LCE5A: variants seen among roughly 807,000 people sequenced by gnomAD.
The protein encoded by LCE5A is late cornified envelope protein 5A.
For synonymous variants in LCE5A, 51 were observed against 54.2 expected, an observed-to-expected ratio of 0.94 and a Z score of 0.26; for missense variants, 139 against 147.2, an observed-to-expected ratio of 0.94 and a Z score of 0.29.
intron 1 of LCE5A, 72 bp from the exon 2 acceptor site, chr1:152,511,442 G>A (rs922050948): frequency 2.2e-5 from 21 of 965,300 alleles, no homozygotes; most frequent in Admixed American, 2.0e-4. Flanking sequence ...TCATCTTAGA[G>A]ATAAAATCTT....
intron 1 of LCE5A, among the ~76,000 whole-genome samples, chr1:152,511,217 G>T (rs1237974263): frequency 2.0e-5 from 3 of 152,044 alleles, no homozygotes; most frequent in African/African-American, 7.2e-5. Context: ...GAGGTCAGGA[G>T]TTCGAGACTG....
intron 1 of LCE5A, among the ~76,000 whole-genome samples, chr1:152,511,237 C>T (rs1341790700): frequency 6.6e-6 from 1 of 151,854 alleles, no homozygotes; most frequent in Non-Finnish European, 1.5e-5. Context: ...GACCAACATG[C>T]TGAAATCCCG....
Position 152,511,496 on chromosome 1 carries a change from G to C in LCE5A, c.-21-18G>C. 1 of 1,567,574 alleles carries C rather than the reference G, an allele frequency of 6.4e-7. No individual in the cohort carries two copies. The highest frequency in any genetic ancestry group is 8.8e-7 in the Non-Finnish European group (1 of 1,138,360). On this transcript the variant is annotated intron_variant, in intron 1 of 1. Coordinates refer to ENST00000334269, the MANE Select transcript of LCE5A (RefSeq NM_178438.5). ...TTTAAGGGCAAGGAAGTGACCTTGG[G>C]CTTGTATTGTCTTTCAGCTTTATTC...
Position 152,511,500 on chromosome 1 carries a change from G to C in LCE5A, c.-21-14G>C. ...AGGGCAAGGAAGTGACCTTGGGCTT[G>C]TATTGTCTTTCAGCTTTATTCAGCT... On this transcript the variant is annotated splice_polypyrimidine_tract_variant and intron_variant, in intron 1 of 1. Coordinates refer to ENST00000334269, the MANE Select transcript of LCE5A (RefSeq NM_178438.5). 6.3e-7 allele frequency: 1 copy of C among 1,582,214 alleles called. No individual in the cohort carries two copies. Among genetic ancestry groups the C allele is most frequent in the African/African-American group, 1.3e-5 (1 of 74,438 alleles).
In LCE5A at chr1:152,512,102, G is replaced by A. The variant is rs996888407; in HGVS notation, c.*211G>A. On this transcript the variant is annotated 3_prime_UTR_variant, in exon 2 of 2. Transcript: ENST00000334269. ...GGCCTGGCTTTCCCTCTCAGACATA[G>A]CTCTTTGGAGAACTAGGTGTTGTAA... 1.7e-6 allele frequency: 1 copy of A among 574,378 alleles called. No homozygotes were observed. The highest frequency in any genetic ancestry group is 3.1e-6 in the Non-Finnish European group (1 of 319,110). 35.6% of individuals were successfully genotyped at this position (574,378 alleles called of 1,614,324 possible). A position where few individuals can be genotyped will look rare whatever the true frequency, so the allele number is the denominator to read the frequency against.
rs770842255 is a variant in LCE5A, at chr1:152,511,928, A to C, written c.*37A>C. The C allele has an allele frequency of 2.6e-6, 4 of 1,554,026 alleles. No individual in the cohort carries two copies. The highest frequency in any genetic ancestry group is 3.5e-6 in the Non-Finnish European group (4 of 1,147,220). On this transcript the variant is annotated 3_prime_UTR_variant, in exon 2 of 2. Coordinates refer to ENST00000334269, the MANE Select transcript of LCE5A (RefSeq NM_178438.5). ...AGGAGCACGGAGGAGAAGGACTGGC[A>C]GATCCCAGGTGCTGAAGATGTGTGT...
chr1:152,511,499 TG>T lies in LCE5A; in HGVS notation c.-21-14del. ...AAGGGCAAGGAAGTGACCTTGGGCT[TG>T]TATTGTCTTTCAGCTTTATTCAGCT... is the stretch of plus-strand genomic sequence containing the variant. On this transcript the variant is annotated splice_polypyrimidine_tract_variant and intron_variant, in intron 1 of 1. Transcript: ENST00000334269. The T allele has an allele frequency of 6.3e-7, 1 of 1,574,872 alleles. No individual in the cohort carries two copies. The highest frequency in any genetic ancestry group is 8.7e-7 in the Non-Finnish European group (1 of 1,144,788).
Position 152,511,937 on chromosome 1 carries a change from G to C in LCE5A, c.*46G>C, listed in dbSNP as rs770781841. ...GAGGAGAAGGACTGGCAGATCCCAG[G>C]TGCTGAAGATGTGTGTCAGCCTGAG... On this transcript the variant is annotated 3_prime_UTR_variant, in exon 2 of 2. Coordinates refer to ENST00000334269, the MANE Select transcript of LCE5A (RefSeq NM_178438.5). 3.9e-6 allele frequency: 6 copies of C among 1,534,184 alleles called. No individual in the cohort carries two copies. The Admixed American group carries it at 1.0e-4, about 26-fold the overall frequency.
chr1:152,511,912 G>C lies in LCE5A; in HGVS notation c.*21G>C. ...GCTGACCTGGGCCATGAGGAGCACG[G>C]AGGAGAAGGACTGGCAGATCCCAGG... On this transcript the variant is annotated 3_prime_UTR_variant, in exon 2 of 2. Transcript: ENST00000334269. 6.3e-7 allele frequency: 1 copy of C among 1,585,916 alleles called. No individual in the cohort carries two copies. The highest frequency in any genetic ancestry group is 8.6e-7 in the Non-Finnish European group (1 of 1,164,908).
In LCE5A at chr1:152,511,984, A is replaced by G. The variant is rs966886283; in HGVS notation, c.*93A>G. ...TGAGGCTTCTTTTCTCTCATTTCCC[A>G]TGGAAGGACTTCGGAAATGCCTTAA... On this transcript the variant is annotated 3_prime_UTR_variant, in exon 2 of 2. Coordinates refer to ENST00000334269, the MANE Select transcript of LCE5A (RefSeq NM_178438.5). 6 of 1,202,132 alleles carry G rather than the reference A, an allele frequency of 5.0e-6. No individual in the cohort carries two copies. In the African/African-American group the frequency reaches 7.7e-5, roughly 15 times the overall value. The allele number at this position is 1,202,132 out of a possible 1,614,324, so 74.5% of individuals were successfully genotyped here.
In LCE5A at chr1:152,512,058, C is replaced by G. The variant is rs1395956772; in HGVS notation, c.*167C>G. 4 of 650,296 alleles carry G rather than the reference C, an allele frequency of 6.2e-6. No homozygotes were observed. Among genetic ancestry groups the G allele is most frequent in the Non-Finnish European group, 1.1e-5 (4 of 377,538 alleles). The allele number at this position is 650,296 out of a possible 1,614,324, so 40.3% of individuals were successfully genotyped here. A position where few individuals can be genotyped will look rare whatever the true frequency, so the allele number is the denominator to read the frequency against. On this transcript the variant is annotated 3_prime_UTR_variant, in exon 2 of 2. Transcript: ENST00000334269. ...GTTCACTCCATTGTAGGGTTGAAGT[C>G]TAGCTTGTGATATTTTCTGGCCTGG...
chr1:152,511,854 G>T lies in LCE5A; in HGVS notation c.320G>T (p.Gly107Val), dbSNP rs143364582. The T allele has an allele frequency of 1.1e-5, 17 of 1,613,166 alleles. No homozygotes were observed. The African/African-American group carries it at 2.0e-4, about 19-fold the overall frequency. Residue 107 changes from glycine to valine, a missense_variant, in exon 2 of 2, where the codon GGC becomes GTC. Physicochemically the swap from Gly to Val is moderately radical, Grantham distance 109. Coordinates refer to ENST00000334269, the MANE Select transcript of LCE5A (RefSeq NM_178438.5). ...TCCAGCTGCTGCCACAGCTCTGGGG[G>T]CTCTGGCTGCTGCCACAGCTCTGGA... The part of the protein sequence containing the change: ...GGSSCCHSSG[G>V]SGCCHSSGGC...
At position 152,511,937 on chromosome 1, in the gene LCE5A, G is replaced by A. The variant is rs770781841; in HGVS notation, c.*46G>A. 59 of 1,534,184 alleles carry A rather than the reference G, an allele frequency of 3.8e-5. No homozygotes were observed. Among genetic ancestry groups the A allele is most frequent in the Non-Finnish European group, 2.1e-5 (24 of 1,135,578 alleles). ...GAGGAGAAGGACTGGCAGATCCCAG[G>A]TGCTGAAGATGTGTGTCAGCCTGAG... On this transcript the variant is annotated 3_prime_UTR_variant, in exon 2 of 2. Coordinates refer to ENST00000334269, the MANE Select transcript of LCE5A (RefSeq NM_178438.5).
chr1:152,511,744 C>G lies in LCE5A; in HGVS notation c.210C>G (p.Ser70Arg), dbSNP rs1658585387. ...CTGAGGGTGGTGGCTGCTGCCTGAG[C>G]CACCACAGGCCCCGCCAGTCCCTCC... ...CSSEGGGCCL[S>R]HHRPRQSLRR... The change falls in exon 2 of 2, where the codon AGC becomes AGG. Residue 70 changes from serine (S) to arginine (R), a missense_variant. Ser to Arg is a moderately radical substitution (Grantham distance 110, BLOSUM62 -1). Transcript: ENST00000334269. 1 of 1,613,676 alleles carries G rather than the reference C, an allele frequency of 6.2e-7. No homozygotes were observed. Among genetic ancestry groups the G allele is most frequent in the Non-Finnish European group, 8.5e-7 (1 of 1,179,892 alleles).
Position 152,512,140 on chromosome 1 carries a change from G to A in LCE5A, c.*249G>A, listed in dbSNP as rs562420644. 357 of 512,602 alleles carry A rather than the reference G, an allele frequency of 7.0e-4. No individual in the cohort carries two copies. Among genetic ancestry groups the A allele is most frequent in the Non-Finnish European group, 1.1e-3 (316 of 285,042 alleles). The allele number at this position is 512,602 out of a possible 1,614,324, so 31.8% of individuals were successfully genotyped here. On this transcript the variant is annotated 3_prime_UTR_variant, in exon 2 of 2. Transcript: ENST00000334269. ...CTAGGTGTTGTAATTCAGTTATGAA[G>A]CTATTTTCTCTGTAACAATAAAGCT...
chr1:152,511,639 A>G lies in LCE5A; in HGVS notation c.105A>G (p.Lys35=), dbSNP rs1189141039. 1.2e-6 allele frequency: 2 copies of G among 1,613,740 alleles called. No individual in the cohort carries two copies. Among genetic ancestry groups the G allele is most frequent in the Admixed American group, 1.7e-5 (1 of 59,978 alleles). Residue 35 remains lysine (K), a synonymous_variant, in exon 2 of 2, where the codon AAA becomes AAG. Transcript: ENST00000334269. ...TPKCPPKCPP[K]CPPQCSAPCP... ...AGTGTCCTCCCAAGTGTCCCCCAAA[A>G]TGCCCTCCCCAGTGTTCAGCCCCAT...
At position 152,511,914 on chromosome 1, in the gene LCE5A, G is replaced by C. The variant is rs1229407069; in HGVS notation, c.*23G>C. On this transcript the variant is annotated 3_prime_UTR_variant, in exon 2 of 2. Coordinates refer to ENST00000334269, the MANE Select transcript of LCE5A (RefSeq NM_178438.5). ...TGACCTGGGCCATGAGGAGCACGGAGGAGAAGGACTGGCAGATCCCAGGTG... is the reference window on the plus strand; with the variant it reads ...TGACCTGGGCCATGAGGAGCACGGACGAGAAGGACTGGCAGATCCCAGGTG... 1.3e-6 allele frequency: 2 copies of C among 1,582,750 alleles called. No homozygotes were observed. Among genetic ancestry groups the C allele is most frequent in the Non-Finnish European group, 1.7e-6 (2 of 1,163,136 alleles).
rs746758631 is a variant in LCE5A at position 152,511,868 on chromosome 1, C to T, written c.334C>T (p.His112Tyr). 2.5e-6 allele frequency: 4 copies of T among 1,613,088 alleles called. No individual in the cohort carries two copies. The highest frequency in any genetic ancestry group is 3.4e-6 in the Non-Finnish European group (4 of 1,179,564). ...CAGCTCTGGGGGCTCTGGCTGCTGC[C>T]ACAGCTCTGGAGGCTGCTGCTGACC... ...CHSSGGSGCC[H>Y]SSGGCC The change falls in exon 2 of 2, where the codon CAC becomes TAC. Residue 112 changes from histidine to tyrosine, a missense_variant. By Grantham distance (83) the His-to-Tyr change is moderately conservative (BLOSUM62 2). Coordinates refer to ENST00000334269, the MANE Select transcript of LCE5A (RefSeq NM_178438.5).
chr1:152,511,956 G>A lies in LCE5A; in HGVS notation c.*65G>A, dbSNP rs1263659655. The A allele has an allele frequency of 3.5e-6, 5 of 1,436,322 alleles. No individual in the cohort carries two copies. Among genetic ancestry groups the A allele is most frequent in the African/African-American group, 1.4e-5 (1 of 69,974 alleles). The allele number at this position is 1,436,322 out of a possible 1,614,324, so 89.0% of individuals were successfully genotyped here. A position where few individuals can be genotyped will look rare whatever the true frequency, so the allele number is the denominator to read the frequency against. ...TCCCAGGTGCTGAAGATGTGTGTCA[G>A]CCTGAGGCTTCTTTTCTCTCATTTC... On this transcript the variant is annotated 3_prime_UTR_variant, in exon 2 of 2. Coordinates refer to ENST00000334269, the MANE Select transcript of LCE5A (RefSeq NM_178438.5).
Sources: allele counts gnomAD v4.1 joint callset (sites outside exome capture counted in the v4.1 genomes callset), GRCh38; gene constraint gnomAD v4.1.1; transcripts MANE v1.5; gene names NCBI Gene and HGNC (gene_info 2026-07-23, HGNC 2026-07-21).